The following SYTL3 variants were observed in gnomAD, a reference collection of about 807,000 sequenced individuals.
SYTL3 encodes synaptotagmin-like protein 3.
A neutral mutation model predicts 82.1 loss-of-function variants in SYTL3; 88 were observed. The observed-to-expected ratio is 1.07, with a 90% confidence interval of 0.90 to 1.28. The LOEUF (loss-of-function observed/expected upper bound fraction) is 1.28, where lower values mean the gene tolerates loss of function less well. SYTL3 is among the 50% of genes most tolerant of loss of function. SYTL3 has a pLI of 0.00. For synonymous variants in SYTL3, 311 were observed against 289.4 expected, an observed-to-expected ratio of 1.07 and a Z score of -0.76; for missense variants, 831 against 757.6, an observed-to-expected ratio of 1.10 and a Z score of -1.14.
rs565963820 is a variant in SYTL3, at chr6:158,708,404, T to A, written c.516+13T>A. The A allele has an allele frequency of 1.3e-4, 209 of 1,612,042 alleles. 2 individuals carry two copies. In the South Asian group the frequency reaches 2.2e-3, roughly 17 times the overall value. ...CAGTCCTGGCAGGGTAACGTATCCATTCTGGGCACTTCTCTAGTAGGGGTC... is the reference window on the plus strand; with the variant it reads ...CAGTCCTGGCAGGGTAACGTATCCAATCTGGGCACTTCTCTAGTAGGGGTC... On this transcript the variant is annotated intron_variant, in intron 8 of 17. Coordinates refer to ENST00000611299, the MANE Select transcript of SYTL3 (RefSeq NM_001242394.2).
At chr6:158,672,798 A>AT (rs1271833971) in intron 5 of SYTL3, among the ~76,000 whole-genome samples, 1 of 151,664 alleles carries the variant, frequency 6.6e-6, no homozygotes, top group Non-Finnish European at 1.5e-5. Flanking sequence ...CACCCAGCTA[A>AT]TTTTTTGTAT....
intron 9 of SYTL3, among the ~76,000 whole-genome samples, chr6:158,717,490 G>A (rs2128468997): frequency 6.6e-6 from 1 of 152,056 alleles, no homozygotes; most frequent in Admixed American, 6.5e-5. Flanking sequence ...TCTTCAAGGT[G>A]GTTCTCTCAC....
At chr6:158,697,533 A>T (rs538030286) in intron 6 of SYTL3, among the ~76,000 whole-genome samples, 39 of 152,306 alleles carry the variant, frequency 2.6e-4, no homozygotes, top group African/African-American at 8.7e-4. Context: ...AAAATAAAAA[A>T]TAGAAAAATT....
chr6:158,751,978 A>G lies in SYTL3; in HGVS notation c.1085A>G (p.Lys362Arg). 6.2e-7 allele frequency: 1 copy of G among 1,603,156 alleles called. No homozygotes were observed. The highest frequency in any genetic ancestry group is 1.3e-5 in the African/African-American group (1 of 74,378). Reference protein sequence around the residue: ...LPDRSSQGKRKTGVQRNTVDP... With the variant: ...LPDRSSQGKRRTGVQRNTVDP... ...GACAGATCCTCCCAGGGAAAGCGCA[A>G]GACTGGAGTCCAAAGGAACACCGTG... The change falls in exon 13 of 18, where the codon AAG becomes AGG. Residue 362 changes from lysine (K) to arginine (R), a missense_variant. Transcript: ENST00000611299.
At chr6:158,708,149 C>T (rs999490294) in intron 7 of SYTL3, among the ~76,000 whole-genome samples, 173 bp from the exon 8 acceptor site, 3 of 151,992 alleles carry the variant, frequency 2.0e-5, no homozygotes, top group Non-Finnish European at 2.9e-5. Flanking sequence ...TCATGCCCCT[C>T]GTAGAGCAGC....
intron 11 of SYTL3, among the ~76,000 whole-genome samples, chr6:158,730,765 A>G (rs1271347023): frequency 1.3e-5 from 2 of 152,146 alleles, no homozygotes; most frequent in Non-Finnish European, 1.5e-5. Context: ...CTAAGGAAAG[A>G]AAAGCTGCGG....
intron 6 of SYTL3, among the ~76,000 whole-genome samples, chr6:158,700,475 G>A (rs1359443323): frequency 6.6e-6 from 1 of 151,956 alleles, no homozygotes; most frequent in Non-Finnish European, 1.5e-5. Flanking sequence ...TAATGTGAAT[G>A]AATTAATGAA....
At chr6:158,722,482 T>A (rs766266591) in intron 10 of SYTL3, among the ~76,000 whole-genome samples, 3 of 152,188 alleles carry the variant, frequency 2.0e-5, no homozygotes, top group Non-Finnish European at 4.4e-5. Flanking sequence ...ACCACTTCTC[T>A]GTTAAGTTTG....
intron 10 of SYTL3, among the ~76,000 whole-genome samples, chr6:158,719,565 C>T (rs1347083089): frequency 6.6e-6 from 1 of 152,150 alleles, no homozygotes; most frequent in African/African-American, 2.4e-5. Flanking sequence ...ATGTATTTGG[C>T]AGGTGTTTGA....
chr6:158,737,611 G>A (rs1038813743), intron 11 of SYTL3, among the ~76,000 whole-genome samples: 2 of 152,196 alleles, frequency 1.3e-5, no homozygotes, highest in African/African-American at 4.8e-5. Flanking sequence ...AAGTCAGGCT[G>A]AGTTTTGGGT....
intron 6 of SYTL3, among the ~76,000 whole-genome samples, chr6:158,696,511 T>A (rs148453839): frequency 8.4e-4 from 128 of 152,130 alleles, no homozygotes; most frequent in African/African-American, 3.0e-3. Flanking sequence ...CCAACACTTA[T>A]TTTTATAACA....
At chr6:158,693,855 C>CTTTTCTTTTCTTTTCTTTTT (rs71030191) in intron 6 of SYTL3, among the ~76,000 whole-genome samples, 17 of 96,864 alleles carry the variant, frequency 1.8e-4, no homozygotes, top group African/African-American at 5.9e-4. Context: ...TTTTTCTTTT[C>CTTTTCTTTTCTTTTCTTTTT]TTTTTTTTTT....
intron 14 of SYTL3, 49 bp downstream of exon 14, chr6:158,757,430 TA>T: frequency 6.3e-7 from 1 of 1,585,710 alleles, no homozygotes. Flanking sequence ...CTGTGATAGA[TA>T]AATAACTTTT....
Position 158,745,627 on chromosome 6 carries a change from T to C in SYTL3, c.1003T>C (p.Tyr335His), listed in dbSNP as rs772542602. The change falls in exon 12 of 18, where the codon TAT becomes CAT. Residue 335 changes from tyrosine to histidine, a missense_variant. By Grantham distance (83) the Tyr-to-His change is moderately conservative. Transcript: ENST00000611299. Reference protein sequence around the residue: ...ICIKACKNLAYGEEKKKKCNP... With the variant: ...ICIKACKNLAHGEEKKKKCNP... The stretch of plus-strand genomic sequence containing the variant: ...CATCAAGGCCTGTAAGAACCTTGCC[T>C]ATGGAGAAGAAAAGAAGAAAAAGTG... 2 of 1,604,446 alleles carry C rather than the reference T, an allele frequency of 1.2e-6. No individual in the cohort carries two copies. The highest frequency in any genetic ancestry group is 1.1e-5 in the South Asian group (1 of 89,126).
At chr6:158,742,567 ATTT>A (rs142084166) in intron 11 of SYTL3, among the ~76,000 whole-genome samples, 37 of 144,452 alleles carry the variant, frequency 2.6e-4, no homozygotes, top group Non-Finnish European at 2.1e-4. Flanking sequence ...TGCTGGAAGC[ATTT>A]TTTTTTTTTT....
intron 9 of SYTL3, among the ~76,000 whole-genome samples, chr6:158,715,599 T>TCACTCACACA (rs1554257106): frequency 1.7e-5 from 2 of 116,442 alleles, no homozygotes; most frequent in African/African-American, 7.2e-5. Flanking sequence ...TGAAACCGCA[T>TCACTCACACA]CACACACACA....
In SYTL3 at chr6:158,725,940, A is replaced by G. The variant is rs1468422453; in HGVS notation, c.855+303A>G. 1.0e-5 allele frequency: 7 copies of G among 678,172 alleles called. No homozygotes were observed. The Admixed American group carries it at 1.4e-4, about 13-fold the overall frequency. 42.0% of individuals were successfully genotyped at this position (678,172 alleles called of 1,614,324 possible). Reference sequence around the variant, plus strand: ...AGCATTCTGCAACTCGCGTAAACAGATAGGGCAGGAGGGCGCCGGTCAGCT... The same window carrying G: ...AGCATTCTGCAACTCGCGTAAACAGGTAGGGCAGGAGGGCGCCGGTCAGCT... On this transcript the variant is annotated intron_variant, in intron 11 of 17. Transcript: ENST00000611299.
At chr6:158,720,417 A>C (rs1783967933) in intron 10 of SYTL3, among the ~76,000 whole-genome samples, 1 of 151,600 alleles carries the variant, frequency 6.6e-6, no homozygotes, top group South Asian at 2.1e-4. Flanking sequence ...AAAAAAAAAA[A>C]AAAAAAAAGC....
In SYTL3 at chr6:158,764,534, C is replaced by T. The variant is rs755226340; in HGVS notation, c.1763C>T (p.Ser588Leu). ...GTTGGCGGGGATGCATGCTCACTAT[C>T]GAAGCTCCAGTGGCAGAAAGTCCTT... ...TAVGGDACSL[S>L]KLQWQKVLSS... is the part of the protein sequence containing the mutation. Residue 588 changes from serine to leucine, a missense_variant, in exon 18 of 18, where the codon TCG (serine) becomes TTG (leucine). Ser to Leu is a moderately radical substitution (Grantham distance 145). Transcript: ENST00000611299. 5.0e-5 allele frequency: 81 copies of T among 1,613,932 alleles called. No individual in the cohort carries two copies. The South Asian group carries it at 6.1e-4, about 12-fold the overall frequency.
Sources: allele counts gnomAD v4.1 joint callset (sites outside exome capture counted in the v4.1 genomes callset), GRCh38; gene constraint gnomAD v4.1.1; transcripts MANE v1.5; gene names NCBI Gene and HGNC (gene_info 2026-07-23, HGNC 2026-07-21).